Variants in PEBP4 observed in about 807,000 individuals in gnomAD.
The protein encoded by PEBP4 is phosphatidylethanolamine-binding protein 4.
In PEBP4, 22 loss-of-function variants were observed where a neutral mutation model predicts 23.9. The ratio of observed to expected loss-of-function variants is 0.92; its 90% CI spans 0.66 to 1.31. The LOEUF is 1.31. Ranked by LOEUF, PEBP4 falls within the 40% of genes most tolerant of loss-of-function variation. The pLI is 0.00. For synonymous variants in PEBP4, 112 were observed against 99.3 expected (o/e 1.13, Z -0.76); for missense variants, 324 against 281.7 (o/e 1.15, Z -1.07).
chr8:22,733,520 G>T (rs1184715498), intron 4 of PEBP4, among the ~76,000 whole-genome samples: 1 of 152,062 alleles, frequency 6.6e-6, no homozygotes, highest in East Asian at 1.9e-4. Flanking sequence ...AGGGATGCTG[G>T]CCCAGTTCCC....
At chr8:22,911,839 A>G (rs1808943931) in intron 3 of PEBP4, among the ~76,000 whole-genome samples, 2 of 152,238 alleles carry the variant, frequency 1.3e-5, no homozygotes, top group African/African-American at 2.4e-5. Flanking sequence ...TTCAGGTCCC[A>G]TGTGCCCCCT....
chr8:22,831,306 G>GT (rs1256977458), intron 3 of PEBP4, among the ~76,000 whole-genome samples: 14 of 152,158 alleles, frequency 9.2e-5, no homozygotes, highest in African/African-American at 1.4e-4. Flanking sequence ...AATCAGCATA[G>GT]TTTTTTATTA....
intron 3 of PEBP4, among the ~76,000 whole-genome samples, chr8:22,861,323 C>T (rs1316768108): frequency 1.3e-5 from 2 of 152,202 alleles, no homozygotes; most frequent in East Asian, 3.8e-4. Context: ...TTTCCATGTA[C>T]CAGACTTCCC....
At chr8:22,838,193 C>T (rs1479197462) in intron 3 of PEBP4, among the ~76,000 whole-genome samples, 1 of 152,058 alleles carries the variant, frequency 6.6e-6, no homozygotes, top group Non-Finnish European at 1.5e-5. Context: ...GAGCCACCTG[C>T]CTGGACTTCA....
rs1806953540 is a variant in PEBP4 at position 22,825,701 on chromosome 8, A to G, written c.259-7966T>C. Among the ~76,000 whole-genome samples the G allele has an allele frequency of 3.3e-5, 5 of 152,348 alleles. No homozygotes were observed. In the South Asian group the frequency reaches 1.0e-3, roughly 32 times the overall value. The stretch of plus-strand genomic sequence containing the variant: ...ACATACCATAAAAATAAGACTGCTT[A>G]TATGATCCAGCAATCACACTTTGGG... On this transcript the variant is annotated intron_variant, in intron 3 of 6. Coordinates refer to ENST00000256404, the MANE Select transcript of PEBP4 (RefSeq NM_144962.3).
rs112168926 is a variant in PEBP4, at chr8:22,830,302, G to T, written c.259-12567C>A. ...GCACCACCACGCCTGGCTAATTTTT[G>T]TGTGTGTGTGTGTGTGTATTTTAGT... On this transcript the variant is annotated intron_variant, in intron 3 of 6. Transcript: ENST00000256404. Among the ~76,000 whole-genome samples, 1,274 of 150,800 alleles carry T rather than the reference G, an allele frequency of 8.4e-3. 18 individuals carry two copies. The highest frequency in any genetic ancestry group is 0.029 in the African/African-American group (1,177 of 41,166).
At chr8:22,809,245 C>T (rs1480197420) in intron 4 of PEBP4, among the ~76,000 whole-genome samples, 9 of 152,240 alleles carry the variant, frequency 5.9e-5, no homozygotes, top group South Asian at 4.1e-4. Flanking sequence ...CTTATACAGA[C>T]GAGGAAACAG....
chr8:22,788,227 A>G (rs1806066557), intron 4 of PEBP4, among the ~76,000 whole-genome samples: 1 of 152,190 alleles, frequency 6.6e-6, no homozygotes, highest in Middle Eastern at 3.2e-3. Flanking sequence ...AGGGGTTTCA[A>G]AATGGGAGAG....
intron 4 of PEBP4, among the ~76,000 whole-genome samples, chr8:22,728,552 C>CT (rs1563196289): frequency 1.1e-5 from 1 of 87,964 alleles, no homozygotes; most frequent in African/African-American, 3.5e-5. Flanking sequence ...TCCTTTCTTT[C>CT]TTTCTTTCTT....
chr8:22,779,423 T>A (rs112910828), intron 4 of PEBP4, among the ~76,000 whole-genome samples: 1,802 of 152,068 alleles, frequency 0.012, 11 homozygotes, highest in Non-Finnish European at 0.018. Context: ...CCAAGGCCAG[T>A]GGGTTTTTTA....
intron 4 of PEBP4, among the ~76,000 whole-genome samples, chr8:22,812,014 G>A (rs1806640890): frequency 6.6e-6 from 1 of 152,180 alleles, no homozygotes; most frequent in African/African-American, 2.4e-5. Context: ...ATTGAACGCT[G>A]GGAAATAGAT....
At chr8:22,803,092 G>T (rs1393233412) in intron 4 of PEBP4, among the ~76,000 whole-genome samples, 3 of 152,136 alleles carry the variant, frequency 2.0e-5, no homozygotes, top group Non-Finnish European at 4.4e-5. Flanking sequence ...AGACCTCCCT[G>T]CCTCTCCTCA....
At chr8:22,916,817 A>G (rs17088785) in intron 3 of PEBP4, among the ~76,000 whole-genome samples, 13,048 of 152,306 alleles carry the variant, frequency 0.086, 669 homozygotes, top group African/African-American at 0.14. Flanking sequence ...AAAGTGCTTG[A>G]AGCTTTGAGA....
chr8:22,846,850 T>C (rs1807447354), intron 3 of PEBP4, among the ~76,000 whole-genome samples: 1 of 151,572 alleles, frequency 6.6e-6, no homozygotes, highest in East Asian at 1.9e-4. Flanking sequence ...CAATGGAGGG[T>C]CATAAAGGTG....
intron 3 of PEBP4, among the ~76,000 whole-genome samples, chr8:22,869,860 A>G (rs1051179241): frequency 6.6e-6 from 1 of 152,250 alleles, no homozygotes; most frequent in Non-Finnish European, 1.5e-5. Flanking sequence ...ATGACATACC[A>G]CTATACACCT....
intron 6 of PEBP4, among the ~76,000 whole-genome samples, chr8:22,719,283 C>T (rs995605816): frequency 3.3e-5 from 5 of 152,220 alleles, no homozygotes; most frequent in South Asian, 2.1e-4. Context: ...CCATCCTGGG[C>T]GCTCGGCCTT....
chr8:22,931,670 G>A (rs537029016), upstream of PEBP4, among the ~76,000 whole-genome samples: 8 of 152,104 alleles, frequency 5.3e-5, no homozygotes, highest in South Asian at 1.0e-3. Flanking sequence ...TGCTGCCTCC[G>A]CCTCCTAGGT....
At chr8:22,797,433 T>C (rs1214818296) in intron 4 of PEBP4, among the ~76,000 whole-genome samples, 2 of 151,920 alleles carry the variant, frequency 1.3e-5, no homozygotes, top group African/African-American at 4.8e-5. Context: ...ATGAACAGCT[T>C]GACTCCAAGT....
chr8:22,857,358 T>C (rs1807675691), intron 3 of PEBP4, among the ~76,000 whole-genome samples: 1 of 152,116 alleles, frequency 6.6e-6, no homozygotes, highest in Non-Finnish European at 1.5e-5. Context: ...CACCTACCAA[T>C]GCTATACCCT....
Sources: allele counts gnomAD v4.1 joint callset (sites outside exome capture counted in the v4.1 genomes callset), GRCh38; gene constraint gnomAD v4.1.1; transcripts MANE v1.5; gene names NCBI Gene and HGNC (gene_info 2026-07-23, HGNC 2026-07-21).